Variants in KY observed in about 807,000 individuals in gnomAD.
The protein encoded by KY is kyphoscoliosis peptidase.
A neutral mutation model predicts 76.1 loss-of-function variants in KY; 43 were observed. The ratio of observed to expected loss-of-function variants is 0.57; its 90% confidence interval spans 0.44 to 0.73. The LOEUF (loss-of-function observed/expected upper bound fraction) is 0.73, where lower values mean the gene tolerates loss of function less well. Among genes scored for constraint, KY ranks in the 30% least tolerant of loss-of-function variants. The pLI is 0.00. For missense variants in KY, 722 were observed against 828.9 expected, an observed-to-expected ratio of 0.87 and a Z score of 1.58; for synonymous variants, 277 against 326.2, an observed-to-expected ratio of 0.85 and a Z score of 1.63.
At chr3:134,649,910 G>A (rs1966844577) in intron 1 of KY, among the ~76,000 whole-genome samples, 1 of 152,210 alleles carries the variant, frequency 6.6e-6, no homozygotes, top group Admixed American at 6.5e-5. Context: ...GGAGGAGAGA[G>A]GCAGAAGTCA....
intron 10 of KY, chr3:134,607,380 C>G (rs2107752320): frequency 1.0e-6 from 1 of 985,584 alleles, no homozygotes; most frequent in Non-Finnish European, 1.2e-6. Flanking sequence ...CCCCATTGCC[C>G]TGCAATGTGG....
intron 2 of KY, among the ~76,000 whole-genome samples, chr3:134,647,064 G>A (rs1560147680): frequency 6.6e-6 from 1 of 152,212 alleles, no homozygotes; most frequent in East Asian, 1.9e-4. Flanking sequence ...CTGTCCCAAG[G>A]CAGACGACTA....
chr3:134,606,339 G>C (rs1390520623), intron 10 of KY, among the ~76,000 whole-genome samples: 2 of 152,184 alleles, frequency 1.3e-5, no homozygotes, highest in African/African-American at 4.8e-5. Flanking sequence ...CCGTGGAGAA[G>C]CCTGTCTCTT....
rs1958933072 is a variant in KY, at chr3:134,600,877, A to G, written c.*2702T>C. On this transcript the variant is annotated 3_prime_UTR_variant, in exon 11 of 11. Coordinates refer to ENST00000423778, the MANE Select transcript of KY (RefSeq NM_178554.6). ...ACAAAGATGTCCTCCGTGTACACAT[A>G]AGGTAGCGCTGAGAAGCCACGAGAA... 1 of 152,190 alleles carries G rather than the reference A, an allele frequency of 6.6e-6. No individual in the cohort carries two copies. The highest frequency in any genetic ancestry group is 1.5e-5 in the Non-Finnish European group (1 of 68,048). The allele number at this position is 152,190 out of a possible 1,614,324, so 9.4% of individuals were successfully genotyped here. A position where few individuals can be genotyped will look rare whatever the true frequency, so the allele number is the denominator to read the frequency against.
At chr3:134,606,394 A>G (rs540623142) in intron 10 of KY, among the ~76,000 whole-genome samples, 1 of 152,242 alleles carries the variant, frequency 6.6e-6, no homozygotes, top group Non-Finnish European at 1.5e-5. Context: ...CTCCAAGGCC[A>G]CAACCCTTCA....
At chr3:134,622,810 G>T (rs1398890135) in intron 6 of KY, among the ~76,000 whole-genome samples, 1 of 152,148 alleles carries the variant, frequency 6.6e-6, no homozygotes, top group Non-Finnish European at 1.5e-5. Flanking sequence ...GGGCCACTAG[G>T]TCCTGCAATG....
chr3:134,629,895 G>T lies in KY; in HGVS notation c.263-200C>A, dbSNP rs74646137. Among the ~76,000 whole-genome samples the T allele has an allele frequency of 0.013, 1,920 of 152,262 alleles. 31 individuals carry two copies. The highest frequency in any genetic ancestry group is 0.04 in the African/African-American group (1,674 of 41,540). On this transcript the variant is annotated intron_variant, in intron 3 of 10. Coordinates refer to ENST00000423778, the MANE Select transcript of KY (RefSeq NM_178554.6). ...CCAGATTCAGGCAAGATGGAGTAAA[G>T]CACACTCAGCCCTGTCTCTCCCACT...
At chr3:134,636,507 A>G (rs1433029375) in intron 3 of KY, among the ~76,000 whole-genome samples, 4 of 152,212 alleles carry the variant, frequency 2.6e-5, no homozygotes, top group Non-Finnish European at 4.4e-5. Flanking sequence ...TGAATGAGCC[A>G]GGTTGTAGAT....
Position 134,644,618 on chromosome 3 carries a change from C to A in KY, c.200-1240G>T, listed in dbSNP as rs780256474. Among the ~76,000 whole-genome samples the A allele has an allele frequency of 2.0e-5, 3 of 152,198 alleles. No individual in the cohort carries two copies. The South Asian group carries it at 6.2e-4, about 31-fold the overall frequency. ...TGTCACTGGAAGTGACCAATGGGAC[C>A]AGTGCCTTAGTCTGGAAACAAGTAT... is the stretch of plus-strand genomic sequence containing the variant. On this transcript the variant is annotated intron_variant, in intron 2 of 10. Coordinates refer to ENST00000423778, the MANE Select transcript of KY (RefSeq NM_178554.6).
chr3:134,638,312 A>G (rs758427916), intron 3 of KY, among the ~76,000 whole-genome samples: 2 of 152,234 alleles, frequency 1.3e-5, no homozygotes, highest in African/African-American at 2.4e-5. Context: ...AAGAAAAAAT[A>G]TTAGTGTGGC....
chr3:134,634,146 T>C (rs1306749929), intron 3 of KY, among the ~76,000 whole-genome samples: 1 of 152,194 alleles, frequency 6.6e-6, no homozygotes, highest in East Asian at 1.9e-4. Context: ...ACCATGTTTA[T>C]GGATTGGAAG....
rs751385251 is a variant in KY, at chr3:134,601,198, C to T, written c.*2381G>A. The T allele has an allele frequency of 2.6e-5, 4 of 152,122 alleles. No homozygotes were observed. The highest frequency in any genetic ancestry group is 4.4e-5 in the Non-Finnish European group (3 of 68,026). The allele number at this position is 152,122 out of a possible 1,614,324, so 9.4% of individuals were successfully genotyped here. ...ATTTTTACTTCAGTGGAAAGAAATGCAGGTGATTTTCTGACTGCGCCTACA... is the reference window on the plus strand; with the variant it reads ...ATTTTTACTTCAGTGGAAAGAAATGTAGGTGATTTTCTGACTGCGCCTACA... On this transcript the variant is annotated 3_prime_UTR_variant, in exon 11 of 11. Transcript: ENST00000423778.
chr3:134,639,073 T>G (rs911976260), intron 3 of KY, among the ~76,000 whole-genome samples: 7 of 150,902 alleles, frequency 4.6e-5, no homozygotes, highest in Admixed American at 1.3e-4. Context: ...CTTTGGAGTT[T>G]TTTTTTTTTT....
intron 5 of KY, among the ~76,000 whole-genome samples, chr3:134,627,526 T>TTTATACTTTAGCTTTAGG (rs2107887390): frequency 6.6e-6 from 1 of 152,264 alleles, no homozygotes; most frequent in African/African-American, 2.4e-5. Context: ...ATTGGTGGGG[T>TTTATACTTTAGCTTTAGG]TTATACTTTA....
In KY at chr3:134,603,894, G is replaced by A; in HGVS notation, c.1671C>T (p.Cys557=). 6.2e-7 allele frequency: 1 copy of A among 1,614,024 alleles called. No individual in the cohort carries two copies. Among genetic ancestry groups the A allele is most frequent in the Non-Finnish European group, 8.5e-7 (1 of 1,179,898 alleles). The change falls in exon 11 of 11, where the codon TGC becomes TGT. Residue 557 remains cysteine, a synonymous_variant. Coordinates refer to ENST00000423778, the MANE Select transcript of KY (RefSeq NM_178554.6). ...NYIFVFNYLV[C]CANTKVNWPM... is the part of the protein sequence containing the mutation. Reference sequence around the variant, plus strand: ...GCCAGTTCACCTTGGTGTTGGCACAGCATACAAGGTAATTAAAGACGAAGA... The same window carrying A: ...GCCAGTTCACCTTGGTGTTGGCACAACATACAAGGTAATTAAAGACGAAGA...
rs777314931 is a variant in KY at position 134,603,574 on chromosome 3, A to G, written c.*5T>C. 1.5e-5 allele frequency: 24 copies of G among 1,566,038 alleles called. No homozygotes were observed. Among genetic ancestry groups the G allele is most frequent in the Non-Finnish European group, 1.8e-5 (21 of 1,151,612 alleles). On this transcript the variant is annotated 3_prime_UTR_variant, in exon 11 of 11. Coordinates refer to ENST00000423778, the MANE Select transcript of KY (RefSeq NM_178554.6). ...CTTTGGGAGGGTAAGACCGGGGCAC[A>G]GCCCTCACTGGGCATTCACTTTGTA... is the stretch of plus-strand genomic sequence containing the variant.
chr3:134,616,371 A>T (rs987985405), intron 8 of KY, among the ~76,000 whole-genome samples: 3 of 152,236 alleles, frequency 2.0e-5, no homozygotes, highest in Non-Finnish European at 2.9e-5. Context: ...AAAAGTAATG[A>T]TGTCCACCCT....
intron 2 of KY, among the ~76,000 whole-genome samples, chr3:134,644,114 C>T (rs879783119): frequency 9.2e-5 from 14 of 152,122 alleles, no homozygotes; most frequent in African/African-American, 1.4e-4. Flanking sequence ...CGTGAGCCAC[C>T]GCGCCCGGCC....
intron 6 of KY, among the ~76,000 whole-genome samples, chr3:134,624,807 T>C (rs143763353): frequency 6.6e-6 from 1 of 151,456 alleles, no homozygotes; most frequent in Non-Finnish European, 1.5e-5. Context: ...AGCTCCAGGG[T>C]GTGTTGTATG....
Sources: allele counts gnomAD v4.1 joint callset (sites outside exome capture counted in the v4.1 genomes callset), GRCh38; gene constraint gnomAD v4.1.1; transcripts MANE v1.5; gene names NCBI Gene and HGNC (gene_info 2026-07-23, HGNC 2026-07-21).